The following KMT2E variants were observed in gnomAD, a reference collection of about 807,000 sequenced individuals.
The protein encoded by KMT2E is histone reader KMT2E.
KMT2E carries 30 observed loss-of-function variants against 184.6 expected under a neutral mutation model. The ratio of observed to expected loss-of-function variants is 0.16; its 90% CI spans 0.12 to 0.22. The LOEUF is 0.22. Ranked by LOEUF, KMT2E falls within the 10% of genes least tolerant of loss-of-function variation. KMT2E has a pLI of 1.00. For missense variants in KMT2E, 2,023 were observed against 2,237.4 expected, an observed-to-expected ratio of 0.90 and a Z score of 1.93; for synonymous variants, 815 against 776.5, an observed-to-expected ratio of 1.05 and a Z score of -0.82.
intron 1 of KMT2E, among the ~76,000 whole-genome samples, chr7:105,019,998 C>T (rs1355900517): frequency 6.6e-6 from 1 of 151,604 alleles, no homozygotes; most frequent in Non-Finnish European, 1.5e-5. Context: ...ATCCTACCTA[C>T]TCAGGAGGGC....
Position 105,113,396 on chromosome 7 carries a change from C to T in KMT2E, c.*63C>T. 6.7e-7 allele frequency: 1 copy of T among 1,486,662 alleles called. No homozygotes were observed. The highest frequency in any genetic ancestry group is 1.3e-5 in the South Asian group (1 of 74,956). 92.1% of individuals were successfully genotyped at this position (1,486,662 alleles called of 1,614,324 possible). A position where few individuals can be genotyped will look rare whatever the true frequency, so the allele number is the denominator to read the frequency against. ...GATAAACTGTATATTTCATATGTAC[C>T]TGTTAAGGTACTTTTTAAAGCTTGT... is the stretch of plus-strand genomic sequence containing the variant. On this transcript the variant is annotated 3_prime_UTR_variant, in exon 27 of 27. Coordinates refer to ENST00000311117, the MANE Select transcript of KMT2E (RefSeq NM_182931.3).
intron 3 of KMT2E, among the ~76,000 whole-genome samples, chr7:105,045,670 A>G (rs545766950): frequency 6.6e-6 from 1 of 152,208 alleles, no homozygotes; most frequent in Non-Finnish European, 1.5e-5. Flanking sequence ...TAGATGTACT[A>G]TATTTTGCTT....
rs1799476567 is a variant in KMT2E at position 105,114,049 on chromosome 7, T to TAATTC, written c.*718_*722dup. 1 of 152,652 alleles carries TAATTC rather than the reference T, an allele frequency of 6.6e-6. No individual in the cohort carries two copies. Among genetic ancestry groups the TAATTC allele is most frequent in the South Asian group, 2.1e-4 (1 of 4,836 alleles). 9.5% of individuals were successfully genotyped at this position (152,652 alleles called of 1,614,324 possible). ...ACACTGAAGCACTGGTTGGGCATTT[T>TAATTC]AATTCATGTTAATAAATCACAATTA... On this transcript the variant is annotated 3_prime_UTR_variant, in exon 27 of 27. Transcript: ENST00000311117.
chr7:105,067,524 C>T (rs998680644), intron 6 of KMT2E, among the ~76,000 whole-genome samples: 2 of 152,146 alleles, frequency 1.3e-5, no homozygotes, highest in African/African-American at 4.8e-5. Context: ...ACATTCTTGT[C>T]CCATCTATAC....
In KMT2E at chr7:105,082,235, C is replaced by CT. The variant is rs1448252209; in HGVS notation, c.1358+439dup. 4.6e-5 allele frequency among the ~76,000 whole-genome samples: 7 copies of CT among 152,190 alleles called. No individual in the cohort carries two copies. The South Asian group carries it at 1.0e-3, about 23-fold the overall frequency. On this transcript the variant is annotated intron_variant, in intron 13 of 26. Transcript: ENST00000311117. The stretch of plus-strand genomic sequence containing the variant: ...TTGTTGGAGATCCTACAAAGAAACT[C>CT]TAAGAACTATTTTTCTGAAATACTA...
chr7:105,036,138 G>A (rs1205435305), intron 1 of KMT2E, among the ~76,000 whole-genome samples: 1 of 150,738 alleles, frequency 6.6e-6, no homozygotes, highest in Non-Finnish European at 1.5e-5. Context: ...CCTATCATCT[G>A]GCAGGGTTTT....
In KMT2E at chr7:105,110,527, CCTTCAT is replaced by C; in HGVS notation, c.3898_3903del (p.Ser1300_Ser1301del). The C allele has an allele frequency of 1.2e-6, 2 of 1,614,060 alleles. No homozygotes were observed. Among genetic ancestry groups the C allele is most frequent in the Non-Finnish European group, 1.7e-6 (2 of 1,179,984 alleles). ...TTCACCGAGTCATGTTCAGTCTTCA[CCTTCAT>C]CTCATTCAAATCACATACCCCAGTT... On this transcript the variant is annotated inframe_deletion, in exon 25 of 27. Transcript: ENST00000311117.
chr7:105,107,754 C>T lies in KMT2E; in HGVS notation c.3297C>T (p.Phe1099=), dbSNP rs750136039. The part of the protein sequence containing the change: ...PSHQLEVGGG[F]RISESKCLMQ... ...ATCAGTTGGAGGTTGGAGGAGGCTT[C>T]CGAATAAGTGAGTCAAAGTGCCTGA... Residue 1099 remains phenylalanine (F), a synonymous_variant, in exon 22 of 27, where the codon TTC becomes TTT. Coordinates refer to ENST00000311117, the MANE Select transcript of KMT2E (RefSeq NM_182931.3). 3 of 1,614,042 alleles carry T rather than the reference C, an allele frequency of 1.9e-6. No individual in the cohort carries two copies. In the South Asian group the frequency reaches 3.3e-5, roughly 18 times the overall value.
rs1051527332 is a variant in KMT2E, at chr7:105,054,029, C to T, written c.72-8135C>T. On this transcript the variant is annotated intron_variant, in intron 3 of 26. Transcript: ENST00000311117. Reference sequence around the variant, plus strand: ...CTCTACTAAAAATAAAAAAACTTACCGGGCATGGTGGCACGTGCCTGTAAT... The same window carrying T: ...CTCTACTAAAAATAAAAAAACTTACTGGGCATGGTGGCACGTGCCTGTAAT... 4.0e-5 allele frequency among the ~76,000 whole-genome samples: 6 copies of T among 151,604 alleles called. No individual in the cohort carries two copies. The East Asian group carries it at 9.7e-4, about 25-fold the overall frequency.
intron 3 of KMT2E, among the ~76,000 whole-genome samples, chr7:105,055,499 G>A (rs1228185726): frequency 1.3e-5 from 2 of 152,066 alleles, no homozygotes; most frequent in African/African-American, 4.8e-5. Context: ...TTCTTTTTCA[G>A]TCTGTTCTTC....
chr7:105,105,418 C>T, intron 17 of KMT2E, 21 bp from the exon 18 acceptor site: 4 of 1,541,146 alleles, frequency 2.6e-6, no homozygotes, highest in Non-Finnish European at 3.5e-6. Context: ...TATAATGATC[C>T]AATTTTTTTC....
chr7:105,020,659 A>G (rs570261028), intron 1 of KMT2E, among the ~76,000 whole-genome samples: 1 of 152,310 alleles, frequency 6.6e-6, no homozygotes, highest in East Asian at 1.9e-4. Context: ...AAATTTTTTC[A>G]TTTATGTTGA....
intron 13 of KMT2E, among the ~76,000 whole-genome samples, chr7:105,087,019 CATATA>C (rs371978773): frequency 0.012 from 1,795 of 144,690 alleles, 18 homozygotes; most frequent in African/African-American, 0.027. Context: ...AAATATATAG[CATATA>C]ATATAATATA....
chr7:105,062,107 T>G (rs940530943), intron 3 of KMT2E, 57 bp from the exon 4 acceptor site: 1 of 1,087,582 alleles, frequency 9.2e-7, no homozygotes, highest in Non-Finnish European at 1.4e-6. Context: ...TTAATTAAAT[T>G]GATTAAGAGG....
intron 3 of KMT2E, among the ~76,000 whole-genome samples, chr7:105,061,581 G>C (rs898692947): frequency 2.0e-5 from 3 of 152,158 alleles, no homozygotes; most frequent in Non-Finnish European, 2.9e-5. Flanking sequence ...TGTATCAGTA[G>C]TTGATCAGTC....
At chr7:105,021,311 G>A (rs142506413) in intron 1 of KMT2E, among the ~76,000 whole-genome samples, 66 of 152,280 alleles carry the variant, frequency 4.3e-4, no homozygotes, top group African/African-American at 9.4e-4. Flanking sequence ...TTAAGCCTTC[G>A]CTGTAACAAT....
intron 3 of KMT2E, 37 bp from the exon 4 acceptor site, chr7:105,062,126 AG>A: frequency 1.6e-6 from 2 of 1,284,878 alleles, no homozygotes; most frequent in Non-Finnish European, 2.3e-6. Flanking sequence ...GGAAAAAAAA[AG>A]AATGGAATTC....
At chr7:105,088,421 T>A (rs1309763560) in intron 13 of KMT2E, among the ~76,000 whole-genome samples, 1 of 152,178 alleles carries the variant, frequency 6.6e-6, no homozygotes, top group African/African-American at 2.4e-5. Flanking sequence ...TTCACAGAAT[T>A]AGGAAGTTGG....
chr7:105,035,869 A>G (rs1795632796), intron 1 of KMT2E, among the ~76,000 whole-genome samples: 1 of 152,084 alleles, frequency 6.6e-6, no homozygotes, highest in East Asian at 1.9e-4. Context: ...ATAAACACAA[A>G]TTTTAGTCTT....
Sources: gnomAD v4.1 joint callset for allele counts (sites outside exome capture counted in the v4.1 genomes callset) on GRCh38, gnomAD v4.1.1 for gene constraint, MANE v1.5 for transcripts, NCBI Gene and HGNC (gene_info 2026-07-23, HGNC 2026-07-21) for gene names.